The following ZNF277 variants were observed in gnomAD, a reference collection of about 807,000 sequenced individuals.
The protein encoded by ZNF277 is nuclear receptor-interacting factor 4.
A neutral mutation model predicts 60.7 loss-of-function variants in ZNF277; 55 were observed. That is an observed-to-expected ratio of 0.91 (90% CI 0.73 to 1.13). ZNF277 has a LOEUF of 1.13. Ranked by LOEUF, ZNF277 falls within the 50% of genes most tolerant of loss-of-function variation. The pLI, the probability that ZNF277 is intolerant of heterozygous loss-of-function variation, is 0.00. For missense variants in ZNF277, 510 were observed against 523.0 expected, an observed-to-expected ratio of 0.98 and a Z score of 0.24; for synonymous variants, 178 against 179.3, an observed-to-expected ratio of 0.99 and a Z score of 0.06.
chr7:112,276,121 G>A (rs1291520313), intron 1 of ZNF277, among the ~76,000 whole-genome samples: 5 of 152,154 alleles, frequency 3.3e-5, no homozygotes, highest in African/African-American at 1.2e-4. Context: ...TTTTTTAGTA[G>A]CTCCTGAACT....
At chr7:112,219,689 G>A (rs1336642392) in intron 1 of ZNF277, among the ~76,000 whole-genome samples, 2 of 152,198 alleles carry the variant, frequency 1.3e-5, no homozygotes, top group Non-Finnish European at 2.9e-5. Flanking sequence ...ACGCTAAAGT[G>A]CAGTGGCACA....
intron 1 of ZNF277, among the ~76,000 whole-genome samples, chr7:112,272,162 CA>C (rs1462703596): frequency 6.6e-6 from 1 of 152,136 alleles, no homozygotes. Context: ...TTAGCTCCCA[CA>C]AATAAGGGAG....
chr7:112,285,982 T>A (rs1792054975), intron 1 of ZNF277, among the ~76,000 whole-genome samples: 1 of 152,174 alleles, frequency 6.6e-6, no homozygotes, highest in Admixed American at 6.5e-5. Context: ...CTAGTTTCTT[T>A]ACCCCAGTTT....
intron 4 of ZNF277, among the ~76,000 whole-genome samples, chr7:112,302,795 A>G (rs7458634): frequency 0.036 from 5,408 of 152,170 alleles, 336 homozygotes; most frequent in African/African-American, 0.12. Flanking sequence ...GGTCAAGGAC[A>G]GTAAGAAACA....
chr7:112,311,744 G>A lies in ZNF277; in HGVS notation c.466-6438G>A, dbSNP rs532525978. On this transcript the variant is annotated intron_variant, in intron 4 of 11. Coordinates refer to ENST00000361822, the MANE Select transcript of ZNF277 (RefSeq NM_021994.3). ...AAAAAAAGAGGGAGAAAAGGAGGAA[G>A]GGAAGAAGGAGAGGAGAGAAGAAAA... Among the ~76,000 whole-genome samples the A allele has an allele frequency of 1.3e-4, 19 of 151,954 alleles. 1 individual carries two copies. The highest frequency in any genetic ancestry group is 1.9e-4 in the Non-Finnish European group (13 of 67,956).
Position 112,330,193 on chromosome 7 carries a change from A to AGATTTTATG in ZNF277, c.779_787dup (p.Tyr262_Val263insGlyPheTyr). On this transcript the variant is annotated inframe_insertion, in exon 7 of 12. Coordinates refer to ENST00000361822, the MANE Select transcript of ZNF277 (RefSeq NM_021994.3). ...TAATCCTAAGAACAGAGAATATGAC[A>AGATTTTATG]GATTTTATGTCATCAATTATTTGGT... 1 of 1,612,864 alleles carries AGATTTTATG rather than the reference A, an allele frequency of 6.2e-7. No homozygotes were observed. Among genetic ancestry groups the AGATTTTATG allele is most frequent in the Admixed American group, 1.7e-5 (1 of 59,994 alleles).
intron 1 of ZNF277, among the ~76,000 whole-genome samples, chr7:112,233,380 C>T (rs1031346209): frequency 2.6e-5 from 4 of 152,190 alleles, no homozygotes; most frequent in African/African-American, 9.7e-5. Flanking sequence ...ATTGGCTTTC[C>T]TCCACAGTCC....
At position 112,343,559 on chromosome 7, in the gene ZNF277, G is replaced by A. The variant is rs185200941; in HGVS notation, c.*830G>A. Among the ~76,000 whole-genome samples, 1 of 152,192 alleles carries A rather than the reference G, an allele frequency of 6.6e-6. No homozygotes were observed. The highest frequency in any genetic ancestry group is 1.9e-4 in the East Asian group (1 of 5,184). ...TATATGCCTCCTGATAAGATGTACT[G>A]AGGAGGACAGAATATCACTTTTGTA... is the stretch of plus-strand genomic sequence containing the variant. On this transcript the variant is annotated 3_prime_UTR_variant, in exon 12 of 12. Transcript: ENST00000361822.
chr7:112,212,743 G>A (rs564081138), intron 1 of ZNF277, among the ~76,000 whole-genome samples: 1 of 152,238 alleles, frequency 6.6e-6, no homozygotes, highest in East Asian at 1.9e-4. Context: ...TGGAATTTGG[G>A]AGTTGTCAGA....
At chr7:112,262,080 T>G (rs1393563428) in intron 1 of ZNF277, among the ~76,000 whole-genome samples, 1 of 152,024 alleles carries the variant, frequency 6.6e-6, no homozygotes, top group African/African-American at 2.4e-5. Context: ...CCTAACTCAC[T>G]ATTTTCTATT....
chr7:112,292,301 C>T (rs1792226356), intron 2 of ZNF277, among the ~76,000 whole-genome samples: 1 of 152,156 alleles, frequency 6.6e-6, no homozygotes, highest in African/African-American at 2.4e-5. Context: ...CTTCTCTGCA[C>T]CCTTTCCTTG....
intron 2 of ZNF277, among the ~76,000 whole-genome samples, chr7:112,295,527 T>C: frequency 6.6e-6 from 1 of 152,170 alleles, no homozygotes; most frequent in Admixed American, 6.5e-5. Context: ...GTTATTGTAT[T>C]TTAAAGACAC....
At chr7:112,290,728 T>TA (rs1442002912) in intron 2 of ZNF277, among the ~76,000 whole-genome samples, 1 of 152,198 alleles carries the variant, frequency 6.6e-6, no homozygotes, top group Non-Finnish European at 1.5e-5. Flanking sequence ...CTTCTTTAGA[T>TA]AATAACCTCC....
intron 11 of ZNF277, 105 bp from the exon 12 acceptor site, chr7:112,342,456 G>A: frequency 1.0e-6 from 1 of 979,738 alleles, no homozygotes; most frequent in Non-Finnish European, 1.4e-6. Flanking sequence ...CTATGAAATT[G>A]TTGGCAAGGA....
chr7:112,287,773 CA>C (rs1291720180), intron 2 of ZNF277: 1 of 152,040 alleles, frequency 6.6e-6, no homozygotes, highest in Non-Finnish European at 1.5e-5. Context: ...GTGATCTGCC[CA>C]CCTCAGCCTC....
At chr7:112,219,230 T>C (rs933024590) in intron 1 of ZNF277, among the ~76,000 whole-genome samples, 7 of 152,248 alleles carry the variant, frequency 4.6e-5, no homozygotes, top group Non-Finnish European at 7.3e-5. Flanking sequence ...TTTCTTCATA[T>C]ACCTGTTAGC....
intron 4 of ZNF277, among the ~76,000 whole-genome samples, chr7:112,299,471 T>C (rs1201046807): frequency 1.3e-5 from 2 of 152,180 alleles, no homozygotes; most frequent in Non-Finnish European, 2.9e-5. Context: ...TCATCATGCA[T>C]TGGAACTCGT....
At chr7:112,239,006 T>C (rs773346116) in intron 1 of ZNF277, among the ~76,000 whole-genome samples, 2 of 152,036 alleles carry the variant, frequency 1.3e-5, no homozygotes, top group African/African-American at 4.8e-5. Flanking sequence ...CATCACCTAA[T>C]GACTAAAGAA....
chr7:112,336,191 C>G lies in ZNF277; in HGVS notation c.869+20C>G, dbSNP rs376557057. The G allele has an allele frequency of 4.4e-6, 7 of 1,596,492 alleles. No individual in the cohort carries two copies. The African/African-American group carries it at 9.4e-5, about 22-fold the overall frequency. ...GGAAGAGTAAGAGTTGTTATTGCTG[C>G]TAATTAATTGCAGTGTTCCAAGAGT... On this transcript the variant is annotated intron_variant, in intron 8 of 11. Coordinates refer to ENST00000361822, the MANE Select transcript of ZNF277 (RefSeq NM_021994.3).
Sources: allele counts gnomAD v4.1 joint callset (sites outside exome capture counted in the v4.1 genomes callset), GRCh38; gene constraint gnomAD v4.1.1; transcripts MANE v1.5; gene names NCBI Gene and HGNC (gene_info 2026-07-23, HGNC 2026-07-21).